Variants in KLF8 observed in about 807,000 individuals in gnomAD.
KLF8 encodes Krueppel-like factor 8.
A neutral mutation model predicts 18.2 loss-of-function variants in KLF8; 10 were observed. That is an observed-to-expected ratio of 0.55 (90% CI 0.34 to 0.93). KLF8 has a LOEUF of 0.93. Ranked by LOEUF, KLF8 falls within the 40% of genes least tolerant of loss-of-function variation. The pLI is 0.02. For synonymous variants in KLF8, 109 were observed against 97.3 expected (o/e 1.12, Z -0.71); for missense variants, 264 against 277.9 (o/e 0.95, Z 0.36).
the KLF8 span, among the ~76,000 whole-genome samples, chrX:56,162,278 C>A: frequency 2.7e-5 from 3 of 112,028 alleles, no homozygotes; most frequent in Non-Finnish European, 5.6e-5. Context: ...TCTGGGAGAA[C>A]CTCTACTGTC....
chrX:56,076,033 C>A, the KLF8 span, among the ~76,000 whole-genome samples: 12 of 109,834 alleles, frequency 1.1e-4, 1 homozygote, highest in East Asian at 3.1e-3. Context: ...TGTGCAATTC[C>A]CACCTATAAG....
At chrX:55,952,135 A>G in the KLF8 span, among the ~76,000 whole-genome samples, 1 of 112,044 alleles carries the variant, frequency 8.9e-6, no homozygotes, top group African/African-American at 3.2e-5. Context: ...CATTTCTCAA[A>G]CGGGAATAAT....
the KLF8 span, among the ~76,000 whole-genome samples, chrX:56,043,005 G>A: frequency 4.5e-5 from 5 of 111,846 alleles, no homozygotes; most frequent in Non-Finnish European, 7.5e-5. Flanking sequence ...TGCAAGGCAG[G>A]CCTGGTGTTA....
At chrX:55,931,938 C>T in the KLF8 span, among the ~76,000 whole-genome samples, 30 of 110,120 alleles carry the variant, frequency 2.7e-4, no homozygotes, top group African/African-American at 8.3e-4. Flanking sequence ...TTTTCTGTCT[C>T]GTTGGTCTGT....
chrX:56,265,467 C>T lies in KLF8; in HGVS notation c.369C>T (p.Ser123=). ...CTTCTCCCCAGACCCTTGTGGTGTC[C>T]ACGTCAACATCTGACATGAGCACTT... ...PQSSPQTLVV[S]TSTSDMSTSA... The change falls in exon 3 of 6, where the codon TCC becomes TCT. Residue 123 remains serine, a synonymous_variant. Coordinates refer to ENST00000468660, the MANE Select transcript of KLF8 (RefSeq NM_007250.5). The T allele has an allele frequency of 8.3e-7, 1 of 1,211,861 alleles. No homozygotes were observed.
the KLF8 span, among the ~76,000 whole-genome samples, chrX:56,130,607 C>G: frequency 1.8e-5 from 2 of 111,230 alleles, no homozygotes; most frequent in South Asian, 7.6e-4. Context: ...TAACACCCCC[C>G]TACTGCCAGT....
At chrX:55,966,192 G>T in the KLF8 span, among the ~76,000 whole-genome samples, 2 of 112,496 alleles carry the variant, frequency 1.8e-5, 1 homozygote, top group Non-Finnish European at 3.8e-5. Flanking sequence ...TCTGGACTTG[G>T]CCCAGACCTG....
chrX:56,033,858 C>G, the KLF8 span, among the ~76,000 whole-genome samples: 1 of 111,982 alleles, frequency 8.9e-6, no homozygotes, highest in Non-Finnish European at 1.9e-5. Context: ...ATAGTTGTTT[C>G]TTGCTAGTCA....
At chrX:56,216,643 T>C in the KLF8 span, among the ~76,000 whole-genome samples, 1 of 110,216 alleles carries the variant, frequency 9.1e-6, no homozygotes, top group Non-Finnish European at 1.9e-5. Context: ...CCCAAAGTTT[T>C]GGTATTACAG....
the KLF8 span, among the ~76,000 whole-genome samples, chrX:55,926,055 C>T: frequency 5.4e-5 from 6 of 111,542 alleles, no homozygotes; most frequent in Admixed American, 9.5e-5. Context: ...TTCTTGGTGC[C>T]TAGTACATGG....
chrX:56,249,920 A>G (rs2066680808), intron 1 of KLF8, among the ~76,000 whole-genome samples: 1 of 111,682 alleles, frequency 9.0e-6, no homozygotes, highest in Non-Finnish European at 1.9e-5. Context: ...AGCAAGAACT[A>G]GACCAGGAAG....
At chrX:56,261,641 C>G (rs1424720322) in intron 2 of KLF8, among the ~76,000 whole-genome samples, 1 of 111,154 alleles carries the variant, frequency 9.0e-6, no homozygotes, top group Non-Finnish European at 1.9e-5. Context: ...TCTTCAGAAC[C>G]TTCAAGCATA....
At chrX:56,245,320 G>A (rs2066608516) in intron 1 of KLF8, among the ~76,000 whole-genome samples, 1 of 111,695 alleles carries the variant, frequency 9.0e-6, no homozygotes, top group Admixed American at 9.5e-5. Context: ...AGGATGGGAT[G>A]TTTTCTTCTT....
At chrX:56,278,505 T>G (rs1288720013) in intron 5 of KLF8, among the ~76,000 whole-genome samples, 1 of 111,063 alleles carries the variant, frequency 9.0e-6, no homozygotes, top group African/African-American at 3.3e-5. Context: ...TATCCTACTG[T>G]GGCTAAGCTT....
At chrX:56,163,062 T>C in the KLF8 span, among the ~76,000 whole-genome samples, 1 of 112,366 alleles carries the variant, frequency 8.9e-6, no homozygotes, top group Non-Finnish European at 1.9e-5. Flanking sequence ...CACATGCATG[T>C]ATGTGTCTTT....
chrX:55,993,358 A>G, the KLF8 span, among the ~76,000 whole-genome samples: 1 of 112,184 alleles, frequency 8.9e-6, no homozygotes, highest in East Asian at 2.8e-4. Context: ...TGAGATGATC[A>G]TGTGGTTTTT....
the KLF8 span, among the ~76,000 whole-genome samples, chrX:55,912,276 A>G: frequency 9.0e-6 from 1 of 111,197 alleles, no homozygotes; most frequent in African/African-American, 3.3e-5. Context: ...CTTAGAGGTT[A>G]GAGGTTCTCA....
At chrX:56,123,271 AAAAG>A in the KLF8 span, among the ~76,000 whole-genome samples, 6,180 of 91,287 alleles carry the variant, frequency 0.068, 388 homozygotes, top group African/African-American at 0.26. Flanking sequence ...GAAAGAAAGA[AAAAG>A]AAAGAAAGAA....
chrX:56,192,905 A>T, the KLF8 span, among the ~76,000 whole-genome samples: 6 of 112,793 alleles, frequency 5.3e-5, no homozygotes, highest in East Asian at 1.1e-3. Context: ...AATCTCCAGG[A>T]CTTTGGCCTG....
Sources: gnomAD v4.1 joint callset for allele counts (sites outside exome capture counted in the v4.1 genomes callset) on GRCh38, gnomAD v4.1.1 for gene constraint, MANE v1.5 for transcripts, NCBI Gene and HGNC (gene_info 2026-07-23, HGNC 2026-07-21) for gene names.